The following TMEM209 variants were observed in gnomAD, a reference collection of about 807,000 sequenced individuals.
TMEM209 encodes the protein testicular tissue protein Li 202.
TMEM209 carries 65 observed loss-of-function variants against 76.2 expected under a neutral mutation model. That is an observed-to-expected ratio of 0.85 (90% CI 0.70 to 1.05). The LOEUF is 1.05. Among genes scored for constraint, TMEM209 ranks in the 50% least tolerant of loss-of-function variants. The pLI is 0.00. For synonymous variants in TMEM209, 239 were observed against 237.6 expected, an observed-to-expected ratio of 1.01 and a Z score of -0.06; for missense variants, 623 against 685.5, an observed-to-expected ratio of 0.91 and a Z score of 1.02.
chr7:130,181,495 C>G (rs987909659), intron 9 of TMEM209, 128 bp downstream of exon 9: 6 of 695,218 alleles, frequency 8.6e-6, no homozygotes, highest in Admixed American at 5.7e-5. Context: ...AAAAATCAAA[C>G]TAGATTATAG....
intron 6 of TMEM209, among the ~76,000 whole-genome samples, chr7:130,188,651 T>C (rs1033915229): frequency 8.3e-5 from 12 of 145,240 alleles, no homozygotes; most frequent in African/African-American, 2.8e-4. Context: ...CACCACTTTA[T>C]CAAGGACAAG....
At chr7:130,176,444 T>G (rs1334405770) in intron 10 of TMEM209, among the ~76,000 whole-genome samples, 3 of 152,218 alleles carry the variant, frequency 2.0e-5, no homozygotes, top group Non-Finnish European at 4.4e-5. Context: ...AAAGCTTTTT[T>G]GTATATTTGA....
chr7:130,166,579 T>G, intron 14 of TMEM209, 74 bp from the exon 15 acceptor site: 1 of 870,616 alleles, frequency 1.1e-6, no homozygotes, highest in Non-Finnish European at 1.7e-6. Context: ...AACAAAAAAC[T>G]TTATGAATAA....
At chr7:130,194,258 T>C (rs908532288) in intron 5 of TMEM209, among the ~76,000 whole-genome samples, 3 of 149,698 alleles carry the variant, frequency 2.0e-5, no homozygotes, top group Admixed American at 6.6e-5. Flanking sequence ...GGGGAGGCTA[T>C]GCATGTTAGG....
intron 6 of TMEM209, 50 bp from the exon 7 acceptor site, chr7:130,185,417 T>C: frequency 6.5e-7 from 1 of 1,541,824 alleles, no homozygotes; most frequent in Non-Finnish European, 8.9e-7. Flanking sequence ...AATTCTGACA[T>C]CTACAGTTAA....
At chr7:130,184,505 T>A (rs2116997944) in intron 7 of TMEM209, among the ~76,000 whole-genome samples, 2 of 151,530 alleles carry the variant, frequency 1.3e-5, no homozygotes, top group South Asian at 4.2e-4. Context: ...TTTTTTTTTT[T>A]TTTTTGAGAT....
At chr7:130,200,259 A>G (rs1798142417) in intron 5 of TMEM209, among the ~76,000 whole-genome samples, 1 of 152,116 alleles carries the variant, frequency 6.6e-6, no homozygotes, top group Non-Finnish European at 1.5e-5. Context: ...TTCCTGATTT[A>G]GCTATGCGGC....
chr7:130,193,237 T>C (rs1055138838), intron 5 of TMEM209, among the ~76,000 whole-genome samples: 1 of 151,938 alleles, frequency 6.6e-6, no homozygotes, highest in Non-Finnish European at 1.5e-5. Context: ...GGTAATGGAG[T>C]ATTAGCACTA....
At chr7:130,205,131 G>C (rs1013506349) in intron 1 of TMEM209, 1 of 1,453,458 alleles carries the variant, frequency 6.9e-7, no homozygotes, top group East Asian at 2.5e-5. Flanking sequence ...ACAGAGGACA[G>C]AGCAATAGCT....
intron 5 of TMEM209, 103 bp from the exon 6 acceptor site, chr7:130,192,926 A>C: frequency 9.7e-7 from 1 of 1,025,712 alleles, no homozygotes. Flanking sequence ...GCGAAAATCC[A>C]CAATACTGAC....
chr7:130,188,554 C>A (rs755718865), intron 6 of TMEM209, among the ~76,000 whole-genome samples: 85 of 145,510 alleles, frequency 5.8e-4, no homozygotes, highest in Non-Finnish European at 1.2e-3. Context: ...CGAGATCACA[C>A]CACTGCACTC....
At chr7:130,196,197 T>C (rs576040044) in intron 5 of TMEM209, among the ~76,000 whole-genome samples, 21 of 152,322 alleles carry the variant, frequency 1.4e-4, no homozygotes, top group African/African-American at 4.8e-4. Flanking sequence ...AAAGTAACTG[T>C]TTCTTCAAAG....
At chr7:130,204,485 A>C (rs1275655571) in intron 1 of TMEM209, among the ~76,000 whole-genome samples, 1 of 151,970 alleles carries the variant, frequency 6.6e-6, no homozygotes. Flanking sequence ...GGGATTACAG[A>C]CGCCCGCCAC....
chr7:130,170,086 AAC>A (rs1327774606), intron 14 of TMEM209, among the ~76,000 whole-genome samples: 1 of 152,198 alleles, frequency 6.6e-6, no homozygotes, highest in Non-Finnish European at 1.5e-5. Context: ...CTTGGAAAAA[AAC>A]AGTCTCCAGA....
At chr7:130,178,548 G>C (rs185437172) in intron 9 of TMEM209, 21 bp from the exon 10 acceptor site, 1 of 1,611,642 alleles carries the variant, frequency 6.2e-7, no homozygotes, top group East Asian at 2.2e-5. Context: ...AAAACACAGA[G>C]AACACTGATT....
At chr7:130,188,595 CAAAAAAAAA>C (rs10649977) in intron 6 of TMEM209, among the ~76,000 whole-genome samples, 21 of 72,666 alleles carry the variant, frequency 2.9e-4, no homozygotes, top group Admixed American at 3.1e-4. Flanking sequence ...GACTCCGTAT[CAAAAAAAAA>C]AAAAAAAAAA....
rs372800211 is a variant in TMEM209, at chr7:130,173,678, G to A, written c.1511C>T (p.Pro504Leu). 1 of 1,613,618 alleles carries A rather than the reference G, an allele frequency of 6.2e-7. No homozygotes were observed. Among genetic ancestry groups the A allele is most frequent in the African/African-American group, 1.3e-5 (1 of 74,910 alleles). The change falls in exon 13 of 15, where the codon CCC becomes CTC. Residue 504 changes from proline to leucine, a missense_variant. Coordinates refer to ENST00000397622, the MANE Select transcript of TMEM209 (RefSeq NM_032842.4). Reference sequence around the variant, plus strand: ...ACGCTGGTAGATGAGCTCATAATGGGGAGGGTTGATAGCACTCTGATAAAT... The same window carrying A: ...ACGCTGGTAGATGAGCTCATAATGGAGAGGGTTGATAGCACTCTGATAAAT... The part of the protein sequence containing the change: ...FCIYQSAINP[P>L]HYELIYQRHV...
chr7:130,201,913 G>A lies in TMEM209; in HGVS notation c.510C>T (p.Ser170=), dbSNP rs1798217588. 2 of 1,613,886 alleles carry A rather than the reference G, an allele frequency of 1.2e-6. No individual in the cohort carries two copies. The highest frequency in any genetic ancestry group is 3.3e-5 in the Admixed American group (2 of 60,000). The change falls in exon 5 of 15, where the codon TCC becomes TCT. Residue 170 remains serine (S), a synonymous_variant. Coordinates refer to ENST00000397622, the MANE Select transcript of TMEM209 (RefSeq NM_032842.4). ...GGCTATAAGAACCACTGCCACCTGA[G>A]GACAGACCTTGCAGCTGAGGGCTGT... ...TGYSPQLQGL[S]SGGSGSYSPG... is the part of the protein sequence containing the mutation.
At chr7:130,201,326 T>TA (rs1798191589) in intron 5 of TMEM209, among the ~76,000 whole-genome samples, 1 of 152,116 alleles carries the variant, frequency 6.6e-6, no homozygotes, top group South Asian at 2.1e-4. Context: ...CTATTAATCC[T>TA]AAAAATTAGA....
Sources: allele counts gnomAD v4.1 joint callset (sites outside exome capture counted in the v4.1 genomes callset), GRCh38; gene constraint gnomAD v4.1.1; transcripts MANE v1.5; gene names NCBI Gene and HGNC (gene_info 2026-07-23, HGNC 2026-07-21).